The following SESTD1 variants were observed in gnomAD, a reference collection of about 807,000 sequenced individuals.
SESTD1 encodes the protein SEC14 domain and spectrin repeat-containing protein 1.
A neutral mutation model predicts 101.7 loss-of-function variants in SESTD1; 43 were observed. The observed-to-expected ratio is 0.42, with a 90% CI of 0.33 to 0.55. SESTD1 has a LOEUF of 0.55. Among genes scored for constraint, SESTD1 ranks in the 20% least tolerant of loss-of-function variants. The pLI is 0.07. For missense variants in SESTD1, 647 were observed against 815.1 expected (o/e 0.79, Z 2.51); for synonymous variants, 283 against 286.8 (o/e 0.99, Z 0.13).
intron 15 of SESTD1, among the ~76,000 whole-genome samples, chr2:179,115,999 C>T (rs1483059548): frequency 2.0e-5 from 3 of 151,942 alleles, no homozygotes; most frequent in East Asian, 1.9e-4. Context: ...TTTGGCTTGG[C>T]GCGGTGGCTC....
intron 10 of SESTD1, 71 bp from the exon 11 acceptor site, chr2:179,124,629 T>A: frequency 7.7e-7 from 1 of 1,305,738 alleles, no homozygotes; most frequent in Non-Finnish European, 1.1e-6. Flanking sequence ...TTTTATAATT[T>A]CTCCAGATAA....
intron 8 of SESTD1, among the ~76,000 whole-genome samples, chr2:179,144,766 C>T (rs1020552610): frequency 7.9e-5 from 12 of 151,948 alleles, no homozygotes; most frequent in Non-Finnish European, 1.3e-4. Context: ...GTTTTATACT[C>T]TCTTTCAATA....
At chr2:179,186,381 C>T (rs571368239) in intron 2 of SESTD1, among the ~76,000 whole-genome samples, 1 of 152,120 alleles carries the variant, frequency 6.6e-6, no homozygotes, top group African/African-American at 2.4e-5. Context: ...AAGTTGATAA[C>T]TGAAGATAAA....
At chr2:179,136,560 CAT>C (rs1437682272) in intron 9 of SESTD1, among the ~76,000 whole-genome samples, 5 of 152,058 alleles carry the variant, frequency 3.3e-5, no homozygotes, top group African/African-American at 7.2e-5. Flanking sequence ...GATATAGAAA[CAT>C]AGTGATAAAA....
intron 3 of SESTD1, among the ~76,000 whole-genome samples, chr2:179,182,759 C>A (rs1234337985): frequency 6.6e-6 from 1 of 152,006 alleles, no homozygotes; most frequent in Non-Finnish European, 1.5e-5. Context: ...AAATAGCTTA[C>A]CTAAATAAAA....
rs60185738 is a variant in SESTD1 at position 179,246,254 on chromosome 2, CAAAAAAAAA to C, written c.-26+18236_-26+18244del. Among the ~76,000 whole-genome samples the C allele has an allele frequency of 1.6e-4, 12 of 73,698 alleles. 1 individual carries two copies. The South Asian group carries it at 5.7e-3, about 35-fold the overall frequency. 48.3% of individuals were successfully genotyped at this position (73,698 alleles called of 152,430 possible). ...TGGGTGATAGAGTGAGACTCCATCT[CAAAAAAAAA>C]AAAAAAAAAAAAAAATTAACCAAAG... is the stretch of plus-strand genomic sequence containing the variant. On this transcript the variant is annotated intron_variant, in intron 1 of 17. Transcript: ENST00000428443.
chr2:179,135,836 C>G (rs1293637293), intron 9 of SESTD1, among the ~76,000 whole-genome samples: 2 of 152,210 alleles, frequency 1.3e-5, no homozygotes, highest in Admixed American at 6.5e-5. Flanking sequence ...GTGGAACAGC[C>G]TAAGTGCTAT....
At chr2:179,245,143 C>T (rs576324369) in intron 1 of SESTD1, among the ~76,000 whole-genome samples, 62 of 152,196 alleles carry the variant, frequency 4.1e-4, no homozygotes, top group Admixed American at 1.1e-3. Context: ...TTGCTTCCGT[C>T]CAGGAGTTTG....
At chr2:179,132,460 G>T in intron 9 of SESTD1, 34 bp from the exon 10 acceptor site, 1 of 1,536,788 alleles carries the variant, frequency 6.5e-7, no homozygotes, top group Admixed American at 2.5e-5. Flanking sequence ...ATTTTTTAAA[G>T]AATCAGAAAC....
chr2:179,169,791 G>A (rs1000375881), intron 5 of SESTD1, among the ~76,000 whole-genome samples: 1 of 151,890 alleles, frequency 6.6e-6, no homozygotes, highest in African/African-American at 2.4e-5. Flanking sequence ...CATGACTAAC[G>A]TAGAGAAACC....
At chr2:179,242,226 C>T (rs138381270) in intron 1 of SESTD1, among the ~76,000 whole-genome samples, 104 of 152,216 alleles carry the variant, frequency 6.8e-4, no homozygotes, top group African/African-American at 2.1e-3. Context: ...AATAGCCACA[C>T]ACACACAAAT....
chr2:179,212,292 C>A (rs1394745426), intron 1 of SESTD1, among the ~76,000 whole-genome samples: 2 of 135,582 alleles, frequency 1.5e-5, no homozygotes, highest in Non-Finnish European at 1.6e-5. Context: ...ACACTCCCAC[C>A]CAAATACTTC....
chr2:179,139,710 C>T (rs1051687467), intron 9 of SESTD1, among the ~76,000 whole-genome samples: 2 of 152,156 alleles, frequency 1.3e-5, no homozygotes, highest in Non-Finnish European at 2.9e-5. Context: ...TGAGGGGCCC[C>T]ACAAGACACC....
rs190804111 is a variant in SESTD1, at chr2:179,151,100, A to C, written c.483+178T>G. 1.7e-3 allele frequency among the ~76,000 whole-genome samples: 259 copies of C among 152,372 alleles called. 1 individual carries two copies. Among genetic ancestry groups the C allele is most frequent in the Middle Eastern group, 6.8e-3 (2 of 294 alleles). On this transcript the variant is annotated intron_variant, in intron 6 of 17. Transcript: ENST00000428443. Reference sequence around the variant, plus strand: ...GCCTAGCAACTAGAATCAGGATTCTAATCAAGTAAGTCTGACTTCACAGTA... The same window carrying C: ...GCCTAGCAACTAGAATCAGGATTCTCATCAAGTAAGTCTGACTTCACAGTA...
At chr2:179,140,023 C>T (rs1026370882) in intron 9 of SESTD1, among the ~76,000 whole-genome samples, 2 of 152,224 alleles carry the variant, frequency 1.3e-5, no homozygotes, top group Non-Finnish European at 2.9e-5. Flanking sequence ...CTCGCTCTTA[C>T]ATTCTAAAGC....
At chr2:179,216,895 T>C (rs2046729040) in intron 1 of SESTD1, among the ~76,000 whole-genome samples, 1 of 143,044 alleles carries the variant, frequency 7.0e-6, no homozygotes, top group Non-Finnish European at 1.5e-5. Context: ...GGATTCCCTA[T>C]TTAATAAATG....
chr2:179,114,586 A>C (rs2044586162), intron 16 of SESTD1, among the ~76,000 whole-genome samples: 1 of 152,178 alleles, frequency 6.6e-6, no homozygotes, highest in Admixed American at 6.5e-5. Flanking sequence ...TCTAGAATGA[A>C]TCTTTAAAGA....
intron 1 of SESTD1, among the ~76,000 whole-genome samples, chr2:179,207,859 A>C (rs12105478): frequency 0.23 from 30,970 of 133,760 alleles, 10,538 homozygotes; most frequent in African/African-American, 0.6. Context: ...TCTCTGGCAA[A>C]AGATCCAAAC....
At position 179,108,313 on chromosome 2, in the gene SESTD1, A is replaced by G. The variant is rs1181077411; in HGVS notation, c.*1586T>C. 1 of 152,218 alleles carries G rather than the reference A, an allele frequency of 6.6e-6. No homozygotes were observed. The highest frequency in any genetic ancestry group is 1.5e-5 in the Non-Finnish European group (1 of 68,040). The allele number at this position is 152,218 out of a possible 1,614,324, so 9.4% of individuals were successfully genotyped here. On this transcript the variant is annotated 3_prime_UTR_variant, in exon 18 of 18. Transcript: ENST00000428443. Reference sequence around the variant, plus strand: ...ACTCACAGTTATTTCAGAGGATAGCATCTTCAAGGAAGGAGACACTGTCTA... The same window carrying G: ...ACTCACAGTTATTTCAGAGGATAGCGTCTTCAAGGAAGGAGACACTGTCTA...
Sources: gnomAD v4.1 joint callset for allele counts (sites outside exome capture counted in the v4.1 genomes callset) on GRCh38, gnomAD v4.1.1 for gene constraint, MANE v1.5 for transcripts, NCBI Gene and HGNC (gene_info 2026-07-23, HGNC 2026-07-21) for gene names.